MITF: variants seen among roughly 807,000 people sequenced by gnomAD.
MITF encodes the protein microphthalmia-associated transcription factor.
A neutral mutation model predicts 60.5 loss-of-function variants in MITF; 17 were observed. The ratio of observed to expected loss-of-function variants is 0.28; its 90% confidence interval spans 0.19 to 0.42. The LOEUF (loss-of-function observed/expected upper bound fraction) is 0.42. Ranked by LOEUF, MITF falls within the 10% of genes least tolerant of loss-of-function variation. MITF has a pLI of 1.00. For missense variants in MITF, 622 were observed against 683.5 expected (o/e 0.91, Z 1.00); for synonymous variants, 260 against 248.5 (o/e 1.05, Z -0.43).
At chr3:69,793,998 G>A (rs1340137751) in intron 1 of MITF, among the ~76,000 whole-genome samples, 1 of 152,186 alleles carries the variant, frequency 6.6e-6, no homozygotes, top group Non-Finnish European at 1.5e-5. Flanking sequence ...TGGGATTTGA[G>A]CAGTTCACGA....
At chr3:69,852,268 ATAGC>A (rs1163770031) in intron 1 of MITF, among the ~76,000 whole-genome samples, 4 of 152,210 alleles carry the variant, frequency 2.6e-5, no homozygotes, top group Non-Finnish European at 5.9e-5. Flanking sequence ...TTTTCACCAG[ATAGC>A]TAGCACCCAA....
At chr3:69,800,132 A>G (rs1400721251) in intron 1 of MITF, among the ~76,000 whole-genome samples, 4 of 152,152 alleles carry the variant, frequency 2.6e-5, no homozygotes, top group African/African-American at 9.7e-5. Flanking sequence ...CTCCTATCCC[A>G]TGGCAACCAT....
At chr3:69,797,338 A>G (rs2062847461) in intron 1 of MITF, among the ~76,000 whole-genome samples, 1 of 152,212 alleles carries the variant, frequency 6.6e-6, no homozygotes, top group African/African-American at 2.4e-5. Context: ...ATTTCTACAA[A>G]TCATATAAAT....
chr3:69,820,051 C>CAA (rs1157928327), intron 1 of MITF, among the ~76,000 whole-genome samples: 24 of 152,278 alleles, frequency 1.6e-4, no homozygotes, highest in African/African-American at 5.5e-4. Context: ...TGAAATGTGG[C>CAA]TAGCCCAAAT....
chr3:69,863,405 A>G (rs1220330595), intron 1 of MITF, among the ~76,000 whole-genome samples: 9 of 152,212 alleles, frequency 5.9e-5, no homozygotes, highest in African/African-American at 2.4e-5. Flanking sequence ...TTTCTAAAGT[A>G]CTGGTGTAAA....
intron 1 of MITF, among the ~76,000 whole-genome samples, chr3:69,878,794 C>T (rs867960904): frequency 9.9e-5 from 15 of 151,788 alleles, no homozygotes; most frequent in Admixed American, 5.9e-4. Flanking sequence ...AATTTGGGTG[C>T]CATTAAGATG....
At chr3:69,950,472 A>ATATATATATATATATG (rs2066217024) in intron 6 of MITF, among the ~76,000 whole-genome samples, 1 of 148,170 alleles carries the variant, frequency 6.7e-6, no homozygotes, top group African/African-American at 2.5e-5. Flanking sequence ...ATATATATAT[A>ATATATATATATATATG]TATATGCACA....
At chr3:69,850,043 C>A (rs554339011) in intron 1 of MITF, among the ~76,000 whole-genome samples, 1 of 152,252 alleles carries the variant, frequency 6.6e-6, no homozygotes, top group Non-Finnish European at 1.5e-5. Context: ...TCTCTGAAGT[C>A]TGTAGTTTTC....
In MITF at chr3:69,739,468, G is replaced by C. The variant is rs1703443209; in HGVS notation, c.-130G>C. ...CCCGCGCTGGGGCGGGCGGCCGCGAGCCGGCGAGCGGGCAGAGCTCGGCAC... is the reference window on the plus strand; with the variant it reads ...CCCGCGCTGGGGCGGGCGGCCGCGACCCGGCGAGCGGGCAGAGCTCGGCAC... On this transcript the variant is annotated 5_prime_UTR_variant, in exon 1 of 10. Transcript: ENST00000352241. 2.7e-6 allele frequency: 2 copies of C among 740,074 alleles called. No individual in the cohort carries two copies. The highest frequency in any genetic ancestry group is 4.2e-6 in the Non-Finnish European group (2 of 480,578). The allele number at this position is 740,074 out of a possible 1,614,324, so 45.8% of individuals were successfully genotyped here. A position where few individuals can be genotyped will look rare whatever the true frequency, so the allele number is the denominator to read the frequency against.
chr3:69,770,726 C>G (rs2062380793), intron 1 of MITF, among the ~76,000 whole-genome samples: 1 of 152,090 alleles, frequency 6.6e-6, no homozygotes, highest in East Asian at 1.9e-4. Context: ...GCAATTATGA[C>G]AAAAGGCAAG....
At chr3:69,859,874 T>A (rs1268334610) in intron 1 of MITF, among the ~76,000 whole-genome samples, 1 of 152,180 alleles carries the variant, frequency 6.6e-6, no homozygotes, top group Non-Finnish European at 1.5e-5. Flanking sequence ...CACCATGATT[T>A]TCAGGTGCTG....
chr3:69,821,505 TG>T (rs1370654742), intron 1 of MITF, among the ~76,000 whole-genome samples: 1 of 152,108 alleles, frequency 6.6e-6, no homozygotes, highest in Non-Finnish European at 1.5e-5. Context: ...CGATTCAAGT[TG>T]GCTTCTCTGT....
At chr3:69,793,385 G>T (rs2062773720) in intron 1 of MITF, among the ~76,000 whole-genome samples, 1 of 149,402 alleles carries the variant, frequency 6.7e-6, no homozygotes, top group Non-Finnish European at 1.5e-5. Flanking sequence ...TATAGTGAAG[G>T]ATTTCTCAAG....
At chr3:69,889,025 G>GTTTTTTTTTTTTTTTTTTTTTT (rs4057977) in intron 2 of MITF, among the ~76,000 whole-genome samples, 1 of 58,816 alleles carries the variant, frequency 1.7e-5, no homozygotes, top group Non-Finnish European at 3.2e-5. Flanking sequence ...ATAGCCTTTG[G>GTTTTTTTTTTTTTTTTTTTTTT]TTTTTTTTTT....
chr3:69,778,084 G>T (rs1460826758), intron 1 of MITF, among the ~76,000 whole-genome samples: 2 of 152,110 alleles, frequency 1.3e-5, no homozygotes, highest in Non-Finnish European at 2.9e-5. Flanking sequence ...GGAGCTGAGA[G>T]ATATCAGGGA....
chr3:69,921,045 G>A (rs1575966434), intron 2 of MITF, among the ~76,000 whole-genome samples: 3 of 152,012 alleles, frequency 2.0e-5, no homozygotes, highest in South Asian at 4.1e-4. Context: ...TTTTTTTGTA[G>A]TTTTAGTAGA....
chr3:69,887,720 T>C (rs1380180683), intron 2 of MITF, among the ~76,000 whole-genome samples: 1 of 152,072 alleles, frequency 6.6e-6, no homozygotes, highest in Non-Finnish European at 1.5e-5. Flanking sequence ...AGGGTATAGG[T>C]GAATCTATAC....
chr3:69,847,133 G>A (rs1190387786), intron 1 of MITF, among the ~76,000 whole-genome samples: 1 of 152,094 alleles, frequency 6.6e-6, no homozygotes, highest in Admixed American at 6.5e-5. Flanking sequence ...AAGGACAGTG[G>A]GACAGCGGGA....
intron 1 of MITF, among the ~76,000 whole-genome samples, chr3:69,873,861 T>C (rs2064292604): frequency 1.3e-5 from 2 of 152,192 alleles, no homozygotes; most frequent in Admixed American, 6.5e-5. Flanking sequence ...AGAATTTTTG[T>C]GGACATATTG....
Sources: gnomAD v4.1 joint callset for allele counts (sites outside exome capture counted in the v4.1 genomes callset) on GRCh38, gnomAD v4.1.1 for gene constraint, MANE v1.5 for transcripts, NCBI Gene and HGNC (gene_info 2026-07-23, HGNC 2026-07-21) for gene names.